The following EPHB2 variants were observed in gnomAD, a reference collection of about 807,000 sequenced individuals.
EPHB2 encodes the protein ephrin type-B receptor 2.
EPHB2 carries 18 observed loss-of-function variants against 96.4 expected under a neutral mutation model. The ratio of observed to expected loss-of-function variants is 0.19; its 90% CI spans 0.13 to 0.28. EPHB2 has a LOEUF of 0.28. EPHB2 is among the 10% of genes least tolerant of loss of function. The pLI is 1.00. For synonymous variants in EPHB2, 506 were observed against 534.1 expected, an observed-to-expected ratio of 0.95 and a Z score of 0.72; for missense variants, 989 against 1,355.4, an observed-to-expected ratio of 0.73 and a Z score of 4.25.
intron 1 of EPHB2, among the ~76,000 whole-genome samples, chr1:22,726,444 G>A (rs1280211824): frequency 2.0e-5 from 3 of 149,052 alleles, no homozygotes; most frequent in Admixed American, 6.7e-5. Context: ...TTTATGAGAC[G>A]GAGTCTCGTT....
In EPHB2 at chr1:22,913,353, T is replaced by G; in HGVS notation, c.2853-109T>G. On this transcript the variant is annotated intron_variant, in intron 15 of 15. Transcript: ENST00000374630. The surrounding 1 kb of genome is among the most constrained non-coding windows in gnomAD (Gnocchi z 4.1). Reference sequence around the variant, plus strand: ...CCACTCCCCACTCCCCACTCCCCAGTACTCCTTGCTTTGCCATCTTCCTCC... The same window carrying G: ...CCACTCCCCACTCCCCACTCCCCAGGACTCCTTGCTTTGCCATCTTCCTCC... 1 of 1,419,948 alleles carries G rather than the reference T, an allele frequency of 7.0e-7. No individual in the cohort carries two copies. Among genetic ancestry groups the G allele is most frequent in the Non-Finnish European group, 9.7e-7 (1 of 1,028,638 alleles). 88.0% of individuals were successfully genotyped at this position (1,419,948 alleles called of 1,614,324 possible). A position where few individuals can be genotyped will look rare whatever the true frequency, so the allele number is the denominator to read the frequency against.
Position 22,790,814 on chromosome 1 carries a change from C to T in EPHB2, c.811+5738C>T, listed in dbSNP as rs996185761. On this transcript the variant is annotated intron_variant, in intron 3 of 15. Transcript: ENST00000374630. This position sits in a 1 kb window ranked among gnomAD's most constrained non-coding sequence, Gnocchi z 4.0. ...TGGGGAGAGGGGCTGCTAGCCAGCT[C>T]GGGGTGGTTGCACGCACATGTTGAT... Among the ~76,000 whole-genome samples, 1 of 152,202 alleles carries T rather than the reference C, an allele frequency of 6.6e-6. No individual in the cohort carries two copies. Among genetic ancestry groups the T allele is most frequent in the African/African-American group, 2.4e-5 (1 of 41,446 alleles).
chr1:22,714,503 G>A (rs1206441333), intron 1 of EPHB2, among the ~76,000 whole-genome samples: 1 of 152,200 alleles, frequency 6.6e-6, no homozygotes, highest in Non-Finnish European at 1.5e-5. Flanking sequence ...TGTGTCTGAG[G>A]AGGGTGGGTG....
intron 1 of EPHB2, among the ~76,000 whole-genome samples, chr1:22,749,080 G>A (rs1466317816): frequency 2.6e-5 from 4 of 151,290 alleles, no homozygotes; most frequent in Non-Finnish European, 5.9e-5. Context: ...GAGTGCAGTG[G>A]TGGGATCTCG....
chr1:22,829,552 A>G (rs1645273436), intron 3 of EPHB2, among the ~76,000 whole-genome samples: 1 of 152,214 alleles, frequency 6.6e-6, no homozygotes, highest in Non-Finnish European at 1.5e-5. Flanking sequence ...ATTTTCATCA[A>G]ACACCCTTCC....
intron 3 of EPHB2, among the ~76,000 whole-genome samples, chr1:22,814,099 G>A (rs1243793263): frequency 6.6e-6 from 1 of 152,178 alleles, no homozygotes; most frequent in East Asian, 1.9e-4. Flanking sequence ...GAACCTGGGA[G>A]GCAGAGGTTG....
chr1:22,812,404 T>A (rs550650247), intron 3 of EPHB2, among the ~76,000 whole-genome samples: 1 of 151,868 alleles, frequency 6.6e-6, no homozygotes, highest in South Asian at 2.1e-4. Context: ...TGTAAGAAAA[T>A]TAATAAGAAA....
intron 3 of EPHB2, among the ~76,000 whole-genome samples, chr1:22,855,526 G>T (rs1413788114): frequency 6.6e-6 from 1 of 152,152 alleles, no homozygotes; most frequent in Non-Finnish European, 1.5e-5. Context: ...CACCTACTGG[G>T]GACTCAGTAA....
intron 2 of EPHB2, among the ~76,000 whole-genome samples, 177 bp downstream of exon 2, chr1:22,781,662 C>T (rs545360635): frequency 6.6e-6 from 1 of 152,134 alleles, no homozygotes; most frequent in African/African-American, 2.4e-5. Flanking sequence ...GATCCCCTAC[C>T]ATTGATGGAG....
chr1:22,797,670 G>A (rs1644786973), intron 3 of EPHB2, among the ~76,000 whole-genome samples: 1 of 152,002 alleles, frequency 6.6e-6, no homozygotes, highest in South Asian at 2.1e-4. Context: ...CTCCAGTCTG[G>A]GGTCCCTAGG....
In EPHB2 at chr1:22,896,477, C is replaced by G. The variant is rs780632769; in HGVS notation, c.1764C>G (p.His588Gln). 10 of 1,614,146 alleles carry G rather than the reference C, an allele frequency of 6.2e-6. No individual in the cohort carries two copies. In the South Asian group the frequency reaches 9.9e-5, roughly 16 times the overall value. ...TDKLQHYTSG[H>Q]MTPGMKIYID... Reference sequence around the variant, plus strand: ...AGCTGCAACACTACACCAGTGGCCACAGTATGTACACACCCAAGCGGGCTG... The same window carrying G: ...AGCTGCAACACTACACCAGTGGCCAGAGTATGTACACACCCAAGCGGGCTG... The change falls in exon 9 of 16, where the codon CAC (histidine) becomes CAG (glutamine). Residue 588 changes from histidine to glutamine, a missense_variant and splice_region_variant. By Grantham distance (24) the His-to-Gln change is conservative (BLOSUM62 0). Transcript: ENST00000374630.
Position 22,920,511 on chromosome 1 carries a change from CT to C in EPHB2, c.*6943del. The C allele has an allele frequency of 6.5e-6, 1 of 153,538 alleles. No homozygotes were observed. Among genetic ancestry groups the C allele is most frequent in the Non-Finnish European group, 1.4e-5 (1 of 68,982 alleles). The allele number at this position is 153,538 out of a possible 1,614,324, so 9.5% of individuals were successfully genotyped here. ...GACATAGCTTCCATGGCCACACAGC[CT>C]TCGCCCCCTTCCAAGACCCCCCTTG... On this transcript the variant is annotated 3_prime_UTR_variant, in exon 16 of 16. Coordinates refer to ENST00000374630, the MANE Select transcript of EPHB2 (RefSeq NM_017449.5).
intron 1 of EPHB2, among the ~76,000 whole-genome samples, chr1:22,754,841 GGAGGTGAGGGAC>G (rs1644119841): frequency 1.8e-4 from 1 of 5,442 alleles, no homozygotes; most frequent in Non-Finnish European, 3.4e-4. Flanking sequence ...GCAGGGGAGG[GGAGGTGAGGGAC>G]AGGTGAGGTG....
At position 22,726,415 on chromosome 1, in the gene EPHB2, TTTTTTTTTC is replaced by T. The variant is rs995187909; in HGVS notation, c.61+15381_61+15389del. Among the ~76,000 whole-genome samples, 88 of 70,190 alleles carry T rather than the reference TTTTTTTTTC, an allele frequency of 1.3e-3. No homozygotes were observed. In the South Asian group the frequency reaches 0.059, roughly 47 times the overall value. The allele number at this position is 70,190 out of a possible 152,430, so 46.0% of individuals were successfully genotyped here. On this transcript the variant is annotated intron_variant, in intron 1 of 15. Coordinates refer to ENST00000374630, the MANE Select transcript of EPHB2 (RefSeq NM_017449.5). ...AACCCTGCATAATAGTTTCTTTTTCTTTTTTTTTCTTTTTTTTTTTTATGAGACGGAGTC... is the reference window on the plus strand; with the variant it reads ...AACCCTGCATAATAGTTTCTTTTTCTTTTTTTTTTTTTATGAGACGGAGTC...
chr1:22,742,981 TC>T (rs1401419579), intron 1 of EPHB2, among the ~76,000 whole-genome samples: 2 of 151,948 alleles, frequency 1.3e-5, no homozygotes, highest in Admixed American at 1.3e-4. Flanking sequence ...AGCCTCAACT[TC>T]CTTGGCTCAA....
intron 1 of EPHB2, among the ~76,000 whole-genome samples, chr1:22,762,212 T>C (rs1324269907): frequency 6.6e-6 from 1 of 152,114 alleles, no homozygotes; most frequent in Non-Finnish European, 1.5e-5. Flanking sequence ...CAGGGGCTGC[T>C]GGGGACCCCC....
At chr1:22,770,552 G>A (rs1177773136) in intron 1 of EPHB2, among the ~76,000 whole-genome samples, 2 of 152,200 alleles carry the variant, frequency 1.3e-5, no homozygotes, top group Non-Finnish European at 2.9e-5. Context: ...CCATTCACAT[G>A]CAGAGGGATT....
chr1:22,882,314 C>A, intron 5 of EPHB2, 45 bp from the exon 6 acceptor site: 1 of 1,610,174 alleles, frequency 6.2e-7, no homozygotes, highest in Non-Finnish European at 8.5e-7. Context: ...AGAAGCTGCA[C>A]CTTCTCATGC....
intron 3 of EPHB2, among the ~76,000 whole-genome samples, chr1:22,831,582 C>T (rs1399918050): frequency 6.6e-6 from 1 of 151,866 alleles, no homozygotes; most frequent in East Asian, 1.9e-4. Context: ...GAGTGGTTTG[C>T]CTAAGGTCAA....
Sources: gnomAD v4.1 joint callset for allele counts (sites outside exome capture counted in the v4.1 genomes callset) on GRCh38, gnomAD v4.1.1 for gene constraint, Gnocchi (gnomAD v3.1) non-coding constraint, MANE v1.5 for transcripts, NCBI Gene and HGNC (gene_info 2026-07-23, HGNC 2026-07-21) for gene names.